The following PTK2 variants were observed in gnomAD, a reference collection of about 807,000 sequenced individuals.
PTK2 encodes focal adhesion kinase 1.
A neutral mutation model predicts 150.1 loss-of-function variants in PTK2; 45 were observed. The observed-to-expected ratio is 0.30, with a 90% confidence interval of 0.24 to 0.38. The LOEUF (loss-of-function observed/expected upper bound fraction) is 0.38. Among genes scored for constraint, PTK2 ranks in the 10% least tolerant of loss-of-function variants. The pLI is 1.00. For missense variants in PTK2, 919 were observed against 1,307.3 expected (o/e 0.70, Z 4.58); for synonymous variants, 432 against 449.2 (o/e 0.96, Z 0.48).
exon 8 of PTK2, chr8:140,830,483 C>T: frequency 1.3e-6 from 2 of 1,540,016 alleles, no homozygotes; most frequent in African/African-American, 1.4e-5. Context: ...TTGACAGAAT[C>T]CAGTAAACTC....
chr8:140,824,633 T>TC (rs1472531143), intron 8 of PTK2, among the ~76,000 whole-genome samples: 1 of 152,202 alleles, frequency 6.6e-6, no homozygotes, highest in Non-Finnish European at 1.5e-5. Context: ...TGTCTGAAAC[T>TC]CCAAAATCAG....
intron 2 of PTK2, among the ~76,000 whole-genome samples, chr8:140,912,945 CA>C (rs998807718): frequency 6.7e-6 from 1 of 148,504 alleles, no homozygotes; most frequent in Admixed American, 6.7e-5. Context: ...GACTCTGTCT[CA>C]AAAAAAAGAA....
In PTK2 at chr8:140,972,258, T is replaced by C. The variant is rs76410286; in HGVS notation, c.-122+28867A>G. ...TGCTCAATTGTTTTTATTATTTTAA[T>C]TAATAAATAATTGTTAATTTTTTTT... On this transcript the variant is annotated intron_variant, in intron 1 of 31. Transcript: ENST00000522684. Among the ~76,000 whole-genome samples the C allele has an allele frequency of 9.5e-3, 1,445 of 152,298 alleles. 7 individuals carry two copies. Among genetic ancestry groups the C allele is most frequent in the Non-Finnish European group, 0.015 (1,005 of 68,028 alleles).
chr8:140,703,557 G>A (rs1054045607), intron 24 of PTK2, among the ~76,000 whole-genome samples: 1 of 152,120 alleles, frequency 6.6e-6, no homozygotes, highest in Non-Finnish European at 1.5e-5. Flanking sequence ...CTTTGCTCTA[G>A]AAATCCCCTT....
At position 140,809,921 on chromosome 8, in the gene PTK2, A is replaced by G. The variant is rs1171270450; in HGVS notation, c.868-6271T>C. Among the ~76,000 whole-genome samples the G allele has an allele frequency of 2.6e-5, 4 of 152,222 alleles. No homozygotes were observed. In the East Asian group the frequency reaches 5.8e-4, roughly 22 times the overall value. Reference sequence around the variant, plus strand: ...AGTCTTTAAACAACATGCAATTCCAATTTGAATTAAAATATTTCAGGCCAT... The same window carrying G: ...AGTCTTTAAACAACATGCAATTCCAGTTTGAATTAAAATATTTCAGGCCAT... On this transcript the variant is annotated intron_variant, in intron 10 of 31. Coordinates refer to ENST00000522684, the Ensembl canonical transcript of PTK2.
chr8:140,754,069 G>A (rs953699999), intron 16 of PTK2, among the ~76,000 whole-genome samples: 1 of 152,122 alleles, frequency 6.6e-6, no homozygotes, highest in Non-Finnish European at 1.5e-5. Flanking sequence ...GTGTTTCCAG[G>A]AAATAAAACA....
chr8:140,695,531 C>G (rs554048220), intron 26 of PTK2, among the ~76,000 whole-genome samples: 2 of 152,072 alleles, frequency 1.3e-5, no homozygotes, highest in Admixed American at 6.6e-5. Flanking sequence ...CTGCTGCAGC[C>G]TCCTGAGTAG....
intron 1 of PTK2, among the ~76,000 whole-genome samples, chr8:140,959,702 T>C (rs2100182440): frequency 6.6e-6 from 1 of 151,828 alleles, no homozygotes; most frequent in South Asian, 2.1e-4. Context: ...TTTTACAATC[T>C]TACCTGTGGC....
chr8:141,000,087 T>TCACACACACACA lies in PTK2; in HGVS notation c.-122+1026_-122+1037dup, dbSNP rs71310820. 4.5e-3 allele frequency among the ~76,000 whole-genome samples: 367 copies of TCACACACACACA among 81,638 alleles called. 2 individuals carry two copies. The highest frequency in any genetic ancestry group is 9.1e-3 in the South Asian group (21 of 2,318). The allele number at this position is 81,638 out of a possible 152,430, so 53.6% of individuals were successfully genotyped here. ...AATTCTGCAATTAAATGAAACCAAT[T>TCACACACACACA]CACACACACACACACACACACACAC... On this transcript the variant is annotated intron_variant, in intron 1 of 31. Coordinates refer to ENST00000522684, the Ensembl canonical transcript of PTK2.
rs548598364 is a variant in PTK2 at position 140,859,458 on chromosome 8, T to C, written c.450+4854A>G. 2.6e-5 allele frequency among the ~76,000 whole-genome samples: 4 copies of C among 152,298 alleles called. No individual in the cohort carries two copies. The East Asian group carries it at 7.7e-4, about 29-fold the overall frequency. On this transcript the variant is annotated intron_variant, in intron 5 of 31. Coordinates refer to ENST00000522684, the Ensembl canonical transcript of PTK2. ...TCTACAGAATTAAAAATTATCAATGTCATCAAATTCTGAGCCCCATAAAAA... is the reference window on the plus strand; with the variant it reads ...TCTACAGAATTAAAAATTATCAATGCCATCAAATTCTGAGCCCCATAAAAA...
At chr8:140,867,262 G>A (rs527372389) in intron 4 of PTK2, among the ~76,000 whole-genome samples, 1 of 152,114 alleles carries the variant, frequency 6.6e-6, no homozygotes, top group East Asian at 1.9e-4. Flanking sequence ...GGAAGAAGGA[G>A]GGAGACTAGG....
intron 23 of PTK2, among the ~76,000 whole-genome samples, chr8:140,707,217 G>C (rs1199170219): frequency 6.6e-6 from 1 of 152,128 alleles, no homozygotes; most frequent in East Asian, 1.9e-4. Flanking sequence ...ACTGCTAATG[G>C]GTGAAGGATT....
At chr8:140,691,810 T>G (rs373782632) in intron 26 of PTK2, among the ~76,000 whole-genome samples, 10 of 152,224 alleles carry the variant, frequency 6.6e-5, no homozygotes, top group Non-Finnish European at 1.0e-4. Flanking sequence ...AGATGTGTAG[T>G]AAATATTTGC....
chr8:140,920,397 C>T (rs1255814557), intron 2 of PTK2, among the ~76,000 whole-genome samples: 1 of 152,058 alleles, frequency 6.6e-6, no homozygotes, highest in African/African-American at 2.4e-5. Context: ...ATTGAATATA[C>T]AATCTTTACA....
chr8:140,988,016 G>A (rs2100193997), intron 1 of PTK2, among the ~76,000 whole-genome samples: 1 of 146,768 alleles, frequency 6.8e-6, no homozygotes, highest in Admixed American at 6.9e-5. Flanking sequence ...CTGCACTCCA[G>A]CCTGGACAAC....
chr8:140,979,603 G>C (rs1000989484), intron 1 of PTK2, among the ~76,000 whole-genome samples: 5 of 152,184 alleles, frequency 3.3e-5, no homozygotes, highest in Admixed American at 1.3e-4. Flanking sequence ...GGAACAACAG[G>C]AGTGATACAG....
intron 16 of PTK2, among the ~76,000 whole-genome samples, chr8:140,752,872 G>A (rs781583015): frequency 3.9e-5 from 6 of 152,208 alleles, no homozygotes; most frequent in Admixed American, 1.3e-4. Context: ...TGTATAGCGT[G>A]CTCAAGGAAC....
chr8:140,883,239 G>GAT (rs995661749), intron 3 of PTK2, among the ~76,000 whole-genome samples: 6 of 152,126 alleles, frequency 3.9e-5, no homozygotes, highest in African/African-American at 1.4e-4. Flanking sequence ...CTACATGCAT[G>GAT]ATGCTAGTGA....
chr8:140,913,221 A>C (rs2100163903), intron 2 of PTK2, among the ~76,000 whole-genome samples: 1 of 152,178 alleles, frequency 6.6e-6, no homozygotes, highest in Non-Finnish European at 1.5e-5. Flanking sequence ...TAATAAGCGA[A>C]TTTATAATAA....
Sources: allele counts gnomAD v4.1 joint callset (sites outside exome capture counted in the v4.1 genomes callset), GRCh38; gene constraint gnomAD v4.1.1; transcripts MANE v1.5; gene names NCBI Gene and HGNC (gene_info 2026-07-23, HGNC 2026-07-21).